Variants in KLHL33 observed in about 807,000 individuals in gnomAD.
KLHL33 encodes kelch-like protein 33.
KLHL33 carries 46 observed loss-of-function variants against 60.8 expected under a neutral mutation model. The observed-to-expected ratio is 0.76, with a 90% CI of 0.60 to 0.97. The LOEUF (loss-of-function observed/expected upper bound fraction) is 0.97. Ranked by LOEUF, KLHL33 falls within the 50% of genes least tolerant of loss-of-function variation. The probability of loss-of-function intolerance (pLI) is 0.00; values close to 1 mark genes in which losing one functional copy is unlikely to be tolerated. For missense variants in KLHL33, 1,055 were observed against 1,000.0 expected (o/e 1.05, Z -0.74); for synonymous variants, 434 against 432.2 (o/e 1.00, Z -0.05).
At chr14:20,431,612 C>T (rs988979610) in intron 2 of KLHL33, among the ~76,000 whole-genome samples, 1 of 152,178 alleles carries the variant, frequency 6.6e-6, no homozygotes, top group Non-Finnish European at 1.5e-5. Flanking sequence ...CCTGTAATCC[C>T]AGCTACTTGG....
intron 1 of KLHL33, 61 bp from the exon 2 acceptor site, chr14:20,435,891 A>T: frequency 8.6e-7 from 1 of 1,166,848 alleles, no homozygotes; most frequent in Non-Finnish European, 1.1e-6. Flanking sequence ...AGGCCAGAGC[A>T]ACCATGTCTC....
At chr14:20,433,201 T>C (rs1170773254) in intron 2 of KLHL33, among the ~76,000 whole-genome samples, 1 of 152,160 alleles carries the variant, frequency 6.6e-6, no homozygotes, top group African/African-American at 2.4e-5. Flanking sequence ...TATAGTAAAA[T>C]ATTAGTTGTT....
rs1050707919 is a variant in KLHL33, at chr14:20,435,945, C to A, written c.-19-115G>T. On this transcript the variant is annotated intron_variant, in intron 1 of 4. Coordinates refer to ENST00000636854, the MANE Select transcript of KLHL33 (RefSeq NM_001365790.2). ...GTCTCTCCCCTGCTCCAACACCCTC[C>A]TCCTACCCTCAGCCACATCCCAGCA... The A allele has an allele frequency of 4.1e-5, 28 of 682,956 alleles. No homozygotes were observed. The Middle Eastern group carries it at 2.8e-3, about 68-fold the overall frequency. 42.3% of individuals were successfully genotyped at this position (682,956 alleles called of 1,614,324 possible).
Position 20,425,909 on chromosome 14 carries a change from G to T in KLHL33, c.*2940C>A, listed in dbSNP as rs1356918293. On this transcript the variant is annotated 3_prime_UTR_variant, in exon 5 of 5. Transcript: ENST00000636854. ...CCTTTAGGTACAAATCACAAAAAATGTTCATAGAAGTTCATCCAGAGAGCT... is the reference window on the plus strand; with the variant it reads ...CCTTTAGGTACAAATCACAAAAAATTTTCATAGAAGTTCATCCAGAGAGCT... 6.6e-6 allele frequency: 1 copy of T among 152,128 alleles called. No individual in the cohort carries two copies. The highest frequency in any genetic ancestry group is 1.5e-5 in the Non-Finnish European group (1 of 68,024). 9.4% of individuals were successfully genotyped at this position (152,128 alleles called of 1,614,324 possible). A position where few individuals can be genotyped will look rare whatever the true frequency, so the allele number is the denominator to read the frequency against.
Position 20,429,889 on chromosome 14 carries a change from G to A in KLHL33, c.1579C>T (p.Arg527Trp), listed in dbSNP as rs779587836. 17 of 1,551,864 alleles carry A rather than the reference G, an allele frequency of 1.1e-5. No individual in the cohort carries two copies. Among genetic ancestry groups the A allele is most frequent in the East Asian group, 2.4e-5 (1 of 40,934 alleles). Residue 527 changes from arginine (R) to tryptophan (W), a missense_variant, in exon 3 of 5, where the codon CGG becomes TGG. Physicochemically the swap from Arg to Trp is moderately radical, Grantham distance 101. Transcript: ENST00000636854. ...CCTGCCAGGCTTGCAGCCCCATGCCGGAAGCGTCCGGGGGCAGGCAGGGCA... is the reference window on the plus strand; with the variant it reads ...CCTGCCAGGCTTGCAGCCCCATGCCAGAAGCGTCCGGGGGCAGGCAGGGCA... Reference protein sequence around the residue: ...LPALPAPGRFRHGAASLAGSE... With the variant: ...LPALPAPGRFWHGAASLAGSE...
rs754558879 is a variant in KLHL33, at chr14:20,430,474, G to A, written c.994C>T (p.Arg332Trp). ...CLDLCQKGLA[R>W]GLSPARCLAL... Reference sequence around the variant, plus strand: ...AGGCAACGGGCAGGGCTGAGGCCCCGTGCCAAGCCTTTCTGACACAAATCC... The same window carrying A: ...AGGCAACGGGCAGGGCTGAGGCCCCATGCCAAGCCTTTCTGACACAAATCC... The change falls in exon 3 of 5, where the codon CGG becomes TGG. Residue 332 changes from arginine (R) to tryptophan (W), a missense_variant. By Grantham distance (101) the Arg-to-Trp change is moderately radical. Transcript: ENST00000636854. The A allele has an allele frequency of 7.0e-5, 109 of 1,550,992 alleles. No homozygotes were observed. The highest frequency in any genetic ancestry group is 2.7e-5 in the African/African-American group (2 of 73,076).
In KLHL33 at chr14:20,430,486, T is replaced by C. The variant is rs1420004017; in HGVS notation, c.982A>G (p.Lys328Glu). 5.8e-6 allele frequency: 9 copies of C among 1,550,634 alleles called. No individual in the cohort carries two copies. The South Asian group carries it at 9.5e-5, about 16-fold the overall frequency. ...QSSSCLDLCQKGLARGLSPAR... is the reference protein window; with the variant it reads ...QSSSCLDLCQEGLARGLSPAR... ...GGGCTGAGGCCCCGTGCCAAGCCTT[T>C]CTGACACAAATCCAAGCAGGAAGAG... Residue 328 changes from lysine to glutamate, a missense_variant, in exon 3 of 5, where the codon AAA becomes GAA. Physicochemically the swap from Lys to Glu is moderately conservative, Grantham distance 56. Coordinates refer to ENST00000636854, the MANE Select transcript of KLHL33 (RefSeq NM_001365790.2).
intron 4 of KLHL33, 45 bp from the exon 5 acceptor site, chr14:20,429,446 C>T (rs989236623): frequency 2.0e-5 from 31 of 1,549,734 alleles, no homozygotes; most frequent in Non-Finnish European, 2.6e-5. Context: ...GCATCTTCAA[C>T]TCTCCTTCTA....
rs1349439764 is a variant in KLHL33, at chr14:20,429,956, A to G, written c.1512T>C (p.Cys504=). ...RAVWWARAFR[C]GVGLVRTVEW... ...CAACAGTTCGTACCAGTCCCACGCC[A>G]CAGCGGAAGGCCCGGGCCCACCACA... is the stretch of plus-strand genomic sequence containing the variant. Residue 504 remains cysteine (C), a synonymous_variant, in exon 3 of 5, where the codon TGT becomes TGC. Coordinates refer to ENST00000636854, the MANE Select transcript of KLHL33 (RefSeq NM_001365790.2). 6.4e-7 allele frequency: 1 copy of G among 1,551,732 alleles called. No homozygotes were observed. Among genetic ancestry groups the G allele is most frequent in the Admixed American group, 2.0e-5 (1 of 51,004 alleles).
intron 2 of KLHL33, among the ~76,000 whole-genome samples, chr14:20,432,989 A>AAAGAAAGAAAGAAAGAAAGAGG: frequency 6.6e-6 from 1 of 152,052 alleles, no homozygotes; most frequent in Non-Finnish European, 1.5e-5. Context: ...AAAGAAAGAG[A>AAAGAAAGAAAGAAAGAAAGAGG]GAAATTACTA....
intron 2 of KLHL33, among the ~76,000 whole-genome samples, chr14:20,432,180 T>A (rs1259887500): frequency 2.0e-5 from 3 of 151,722 alleles, no homozygotes; most frequent in Non-Finnish European, 4.4e-5. Context: ...AGTGGTACAA[T>A]CTCGGCTCAC....
At chr14:20,434,986 T>TA in intron 2 of KLHL33, 78 bp downstream of exon 2, 1 of 1,182,054 alleles carries the variant, frequency 8.5e-7, no homozygotes, top group Non-Finnish European at 1.1e-6. Context: ...ATGGTGGGGA[T>TA]AAAACCACCT....
rs370226807 is a variant in KLHL33, at chr14:20,429,800, A to C, written c.1668T>G (p.Thr556=). ...CCACTCCTAGAAGCTTATACCTGAGAGTTGAAGCCAGGGTGTTGGAGTGAC... is the reference window on the plus strand; with the variant it reads ...CCACTCCTAGAAGCTTATACCTGAGCGTTGAAGCCAGGGTGTTGGAGTGAC... ...FYSHSNTLAS[T]LRWEPSQEDW... is the part of the protein sequence containing the mutation. Residue 556 remains threonine, a synonymous_variant, in exon 3 of 5, where the codon ACT becomes ACG. Coordinates refer to ENST00000636854, the MANE Select transcript of KLHL33 (RefSeq NM_001365790.2). The C allele has an allele frequency of 2.0e-6, 3 of 1,533,266 alleles. No individual in the cohort carries two copies. Among genetic ancestry groups the C allele is most frequent in the East Asian group, 2.5e-5 (1 of 40,754 alleles). 95.0% of individuals were successfully genotyped at this position (1,533,266 alleles called of 1,614,324 possible). A position where few individuals can be genotyped will look rare whatever the true frequency, so the allele number is the denominator to read the frequency against.
At chr14:20,432,423 A>C (rs1880535971) in intron 2 of KLHL33, among the ~76,000 whole-genome samples, 1 of 151,878 alleles carries the variant, frequency 6.6e-6, no homozygotes, top group Admixed American at 6.6e-5. Flanking sequence ...CAGGGTAACC[A>C]ATCTTACATG....
rs531856819 is a variant in KLHL33 at position 20,429,894 on chromosome 14, C to T, written c.1574G>A (p.Arg525His). ...GQLPALPAPG[R>H]FRHGAASLAG... ...CAGGCTTGCAGCCCCATGCCGGAAG[C>T]GTCCGGGGGCAGGCAGGGCAGGCAG... The change falls in exon 3 of 5, where the codon CGC becomes CAC. Residue 525 changes from arginine (R) to histidine (H), a missense_variant. Arg to His is a conservative substitution (Grantham distance 29). Coordinates refer to ENST00000636854, the MANE Select transcript of KLHL33 (RefSeq NM_001365790.2). 15 of 1,551,938 alleles carry T rather than the reference C, an allele frequency of 9.7e-6. No individual in the cohort carries two copies. The highest frequency in any genetic ancestry group is 7.3e-5 in the East Asian group (3 of 40,914).
rs957559793 is a variant in KLHL33 at position 20,429,665 on chromosome 14, C to T, written c.1678G>A (p.Glu560Lys). The T allele has an allele frequency of 1.4e-5, 22 of 1,551,278 alleles. No individual in the cohort carries two copies. The highest frequency in any genetic ancestry group is 1.8e-5 in the Non-Finnish European group (21 of 1,146,804). Reference sequence around the variant, plus strand: ...TCCTCCCAGTCCTCTTGACTGGGCTCCCACCTGGACACAGTAGGACAAGAG... The same window carrying T: ...TCCTCCCAGTCCTCTTGACTGGGCTTCCACCTGGACACAGTAGGACAAGAG... ...SNTLASTLRW[E>K]PSQEDWEEMA... Residue 560 changes from glutamate to lysine, a missense_variant, in exon 4 of 5, where the codon GAG becomes AAG. Transcript: ENST00000636854.
At position 20,430,547 on chromosome 14, in the gene KLHL33, T is replaced by A; in HGVS notation, c.921A>T (p.Leu307=). 6.5e-7 allele frequency: 1 copy of A among 1,542,436 alleles called. No homozygotes were observed. The highest frequency in any genetic ancestry group is 1.4e-5 in the African/African-American group (1 of 73,176). The change falls in exon 3 of 5, where the codon CTA becomes CTT. Residue 307 remains leucine (L), a synonymous_variant. Coordinates refer to ENST00000636854, the MANE Select transcript of KLHL33 (RefSeq NM_001365790.2). ...GCAGAGCAGCCTGGGCAGCTCTCAG[T>A]AGCCCTGGCCACCTTGCCCGCACAA... ...SGVVRARWPG[L]LRAAQAALQY...
At chr14:20,430,791 T>TTTGGCCAA in intron 2 of KLHL33, 72 bp from the exon 3 acceptor site, 1 of 1,041,746 alleles carries the variant, frequency 9.6e-7, no homozygotes, top group Non-Finnish European at 1.4e-6. Context: ...CCCAACTTGG[T>TTTGGCCAA]ACTCTAAGTT....
Position 20,428,572 on chromosome 14 carries a change from C to T in KLHL33, c.*277G>A. 2.5e-6 allele frequency: 1 copy of T among 405,204 alleles called. No homozygotes were observed. The highest frequency in any genetic ancestry group is 4.5e-6 in the Non-Finnish European group (1 of 224,706). 25.1% of individuals were successfully genotyped at this position (405,204 alleles called of 1,614,324 possible). A position where few individuals can be genotyped will look rare whatever the true frequency, so the allele number is the denominator to read the frequency against. On this transcript the variant is annotated 3_prime_UTR_variant, in exon 5 of 5. Coordinates refer to ENST00000636854, the MANE Select transcript of KLHL33 (RefSeq NM_001365790.2). ...TTAACTCTCTTTCAAACTAGATGCCCTTTCCCTAAGAATCCCTAAGCCTTG... is the reference window on the plus strand; with the variant it reads ...TTAACTCTCTTTCAAACTAGATGCCTTTTCCCTAAGAATCCCTAAGCCTTG...
Sources: gnomAD v4.1 joint callset for allele counts (sites outside exome capture counted in the v4.1 genomes callset) on GRCh38, gnomAD v4.1.1 for gene constraint, MANE v1.5 for transcripts, NCBI Gene and HGNC (gene_info 2026-07-23, HGNC 2026-07-21) for gene names.